SLC5A1: variants seen among roughly 807,000 people sequenced by gnomAD.
The protein encoded by SLC5A1 is sodium/glucose cotransporter 1.
In SLC5A1, 42 loss-of-function variants were observed where a neutral mutation model predicts 73.5. That is an observed-to-expected ratio of 0.57 (90% CI 0.45 to 0.74). The LOEUF (loss-of-function observed/expected upper bound fraction) is 0.74, where lower values mean the gene tolerates loss of function less well. SLC5A1 is among the 30% of genes least tolerant of loss of function. The probability of loss-of-function intolerance (pLI) is 0.00; values close to 1 mark genes in which losing one functional copy is unlikely to be tolerated. For synonymous variants in SLC5A1, 300 were observed against 317.4 expected (o/e 0.95, Z 0.58); for missense variants, 634 against 855.4 (o/e 0.74, Z 3.23).
At chr22:32,059,775 C>T (rs1284038707) in intron 2 of SLC5A1, among the ~76,000 whole-genome samples, 1 of 152,080 alleles carries the variant, frequency 6.6e-6, no homozygotes, top group Non-Finnish European at 1.5e-5. Flanking sequence ...AAATTGTTTG[C>T]GGAATGATTT....
rs773856614 is a variant in SLC5A1, at chr22:32,110,185, C to T, written c.1967C>T (p.Ala656Val). The T allele has an allele frequency of 6.2e-7, 1 of 1,613,962 alleles. No homozygotes were observed. Among genetic ancestry groups the T allele is most frequent in the Non-Finnish European group, 8.5e-7 (1 of 1,179,934 alleles). ...AATGGCATCATCCTGGTGACCGTGG[C>T]TGTCTTTTGCCATGCATATTTTGCC... is the stretch of plus-strand genomic sequence containing the variant. ...NVNGIILVTVAVFCHAYFA is the reference protein window; with the variant it reads ...NVNGIILVTVVVFCHAYFA The change falls in exon 15 of 15, where the codon GCT (alanine) becomes GTT (valine). Residue 656 changes from alanine to valine, a missense_variant. By Grantham distance (64) the Ala-to-Val change is moderately conservative. Around this residue, in one of 3 missense-constraint regions of SLC5A1, gnomAD observed 161 missense variants for 178.7 expected, o/e 0.90. Transcript: ENST00000266088.
intron 14 of SLC5A1, among the ~76,000 whole-genome samples, chr22:32,105,362 C>T (rs1292893847): frequency 2.0e-5 from 3 of 149,070 alleles, no homozygotes; most frequent in African/African-American, 5.0e-5. Context: ...GGCGCAATCT[C>T]GGCTCACTGC....
Position 32,110,042 on chromosome 22 carries a change from A to G in SLC5A1, c.1824A>G (p.Leu608=). 2 of 1,614,078 alleles carry G rather than the reference A, an allele frequency of 1.2e-6. No homozygotes were observed. Among genetic ancestry groups the G allele is most frequent in the South Asian group, 2.2e-5 (2 of 91,084 alleles). The change falls in exon 15 of 15, where the codon CTA becomes CTG. Residue 608 remains leucine, a synonymous_variant. Coordinates refer to ENST00000266088, the MANE Select transcript of SLC5A1 (RefSeq NM_000343.4). ...KKGIFRRAYD[L]FCGLEQHGAP... is the part of the protein sequence containing the mutation. Reference sequence around the variant, plus strand: ...GAATCTTCAGGAGAGCCTATGACCTATTTTGTGGGCTAGAGCAGCACGGTG... The same window carrying G: ...GAATCTTCAGGAGAGCCTATGACCTGTTTTGTGGGCTAGAGCAGCACGGTG...
intron 10 of SLC5A1, among the ~76,000 whole-genome samples, chr22:32,087,172 A>C: frequency 6.6e-6 from 1 of 152,224 alleles, no homozygotes; most frequent in Admixed American, 6.5e-5. Context: ...CAAGAGATCT[A>C]TTGTACAACA....
chr22:32,059,369 G>A (rs1322123143), intron 2 of SLC5A1: 4 of 982,514 alleles, frequency 4.1e-6, no homozygotes, highest in African/African-American at 1.7e-5. Context: ...GATGGAGATC[G>A]GCTCTGGATG....
chr22:32,051,434 T>C (rs2093945021), intron 2 of SLC5A1, among the ~76,000 whole-genome samples: 1 of 152,126 alleles, frequency 6.6e-6, no homozygotes, highest in African/African-American at 2.4e-5. Flanking sequence ...AGTGAGAGAA[T>C]TGCTTGAGCT....
At chr22:32,058,811 A>G (rs1372949735) in intron 2 of SLC5A1, among the ~76,000 whole-genome samples, 4 of 152,168 alleles carry the variant, frequency 2.6e-5, no homozygotes, top group South Asian at 2.1e-4. Flanking sequence ...GAGCCACTTC[A>G]TAGTCTCCAG....
At chr22:32,050,139 C>A in intron 2 of SLC5A1, 125 bp downstream of exon 2, 1 of 847,772 alleles carries the variant, frequency 1.2e-6, no homozygotes, top group Non-Finnish European at 2.0e-6. Context: ...AGATTCTTGA[C>A]AGTGAGTCTC....
At chr22:32,075,078 T>A in intron 5 of SLC5A1, among the ~76,000 whole-genome samples, 1 of 147,202 alleles carries the variant, frequency 6.8e-6, no homozygotes, top group East Asian at 2.0e-4. Flanking sequence ...TACTTTTTTT[T>A]TTTTTTTTTT....
chr22:32,049,295 C>T (rs2149483191), intron 1 of SLC5A1, among the ~76,000 whole-genome samples: 1 of 147,766 alleles, frequency 6.8e-6, no homozygotes, highest in African/African-American at 2.5e-5. Flanking sequence ...TTTGTCTGGT[C>T]TTTTATTTAA....
rs2094005914 is a variant in SLC5A1 at position 32,085,054 on chromosome 22, C to T, written c.1021+19C>T. On this transcript the variant is annotated intron_variant, in intron 9 of 14. Transcript: ENST00000266088. ...TACACAGGTAATAACTTCTGCTGGA[C>T]CCACAAACCACTCTCCCTTTTTCTG... The T allele has an allele frequency of 6.2e-7, 1 of 1,613,982 alleles. No individual in the cohort carries two copies. The highest frequency in any genetic ancestry group is 8.5e-7 in the Non-Finnish European group (1 of 1,179,884).
chr22:32,099,105 A>AAAATATATATATATATATAT (rs1555967851), intron 11 of SLC5A1, 78 bp from the exon 12 acceptor site: 1 of 56,520 alleles, frequency 1.8e-5, no homozygotes, highest in Non-Finnish European at 3.3e-5. Flanking sequence ...AAAAAAAAAA[A>AAAATATATATATATATATAT]ATATATATAT....
chr22:32,086,437 G>C lies in SLC5A1; in HGVS notation c.1129+110G>C, dbSNP rs896712150. ...CTGGGCAAAGACATTTCTTAGCCGG[G>C]GGGTTAGAAGGGAAAGCATCATTGT... is the stretch of plus-strand genomic sequence containing the variant. On this transcript the variant is annotated intron_variant, in intron 10 of 14. Coordinates refer to ENST00000266088, the MANE Select transcript of SLC5A1 (RefSeq NM_000343.4). 1.9e-5 allele frequency: 15 copies of C among 774,546 alleles called. No individual in the cohort carries two copies. The African/African-American group carries it at 2.4e-4, about 12-fold the overall frequency. 48.0% of individuals were successfully genotyped at this position (774,546 alleles called of 1,614,324 possible). A position where few individuals can be genotyped will look rare whatever the true frequency, so the allele number is the denominator to read the frequency against.
intron 2 of SLC5A1, among the ~76,000 whole-genome samples, chr22:32,064,361 T>C (rs2149487095): frequency 1.3e-5 from 2 of 152,090 alleles, no homozygotes; most frequent in East Asian, 3.9e-4. Flanking sequence ...TCGGCTGTGG[T>C]GGTGCGCGCC....
chr22:32,052,921 A>G (rs149220642), intron 2 of SLC5A1, among the ~76,000 whole-genome samples: 90 of 152,308 alleles, frequency 5.9e-4, no homozygotes, highest in African/African-American at 2.1e-3. Flanking sequence ...AGACAGTGGT[A>G]AGAATTCAGG....
Position 32,110,116 on chromosome 22 carries a change from C to T in SLC5A1, c.1898C>T (p.Thr633Met), listed in dbSNP as rs755503946. ...EEEKAMKMKM[T>M]DTSEKPLWRT... ...GAGAAAGCCATGAAGATGAAGATGA[C>T]GGACACCTCTGAGAAGCCTTTGTGG... Residue 633 changes from threonine to methionine, a missense_variant, in exon 15 of 15, where the codon ACG becomes ATG. Thr to Met is a moderately conservative substitution (Grantham distance 81, BLOSUM62 -1). Transcript: ENST00000266088. 2.2e-5 allele frequency: 36 copies of T among 1,613,958 alleles called. No homozygotes were observed. The highest frequency in any genetic ancestry group is 8.9e-5 in the East Asian group (4 of 44,896).
At chr22:32,047,039 G>C (rs2093938062) in intron 1 of SLC5A1, among the ~76,000 whole-genome samples, 1 of 152,192 alleles carries the variant, frequency 6.6e-6, no homozygotes, top group African/African-American at 2.4e-5. Flanking sequence ...AAAAAAAATT[G>C]TAATGGCTGT....
chr22:32,050,770 A>T (rs1296630186), intron 2 of SLC5A1, among the ~76,000 whole-genome samples: 2 of 152,230 alleles, frequency 1.3e-5, no homozygotes, highest in Non-Finnish European at 2.9e-5. Context: ...CAGGATTGAA[A>T]TTACAAGAAG....
chr22:32,070,017 T>A (rs1230637439), intron 5 of SLC5A1, among the ~76,000 whole-genome samples: 1 of 152,060 alleles, frequency 6.6e-6, no homozygotes, highest in African/African-American at 2.4e-5. Flanking sequence ...CTGGGGGATG[T>A]TTACTCTTTC....
Sources: gnomAD v4.1 joint callset for allele counts (sites outside exome capture counted in the v4.1 genomes callset) on GRCh38, gnomAD v4.1.1 for gene constraint, gnomAD v4.1.1 regional missense constraint, MANE v1.5 for transcripts, NCBI Gene and HGNC (gene_info 2026-07-23, HGNC 2026-07-21) for gene names.